The following TXNRD2 variants were observed in gnomAD, a reference collection of about 807,000 sequenced individuals.
The protein encoded by TXNRD2 is thioredoxin reductase 2, mitochondrial.
TXNRD2 carries 67 observed loss-of-function variants against 70.8 expected under a neutral mutation model. The ratio of observed to expected loss-of-function variants is 0.95; its 90% CI spans 0.78 to 1.16. The LOEUF (loss-of-function observed/expected upper bound fraction) is 1.16, where lower values mean the gene tolerates loss of function less well. Ranked by LOEUF, TXNRD2 falls within the 50% of genes most tolerant of loss-of-function variation. The probability of loss-of-function intolerance (pLI) is 0.00; values close to 1 mark genes in which losing one functional copy is unlikely to be tolerated. For synonymous variants in TXNRD2, 301 were observed against 295.8 expected, an observed-to-expected ratio of 1.02 and a Z score of -0.18; for missense variants, 644 against 719.9, an observed-to-expected ratio of 0.89 and a Z score of 1.21.
At chr22:19,926,179 GAAAGAA>G (rs1311268364) in intron 2 of TXNRD2, among the ~76,000 whole-genome samples, 8 of 145,368 alleles carry the variant, frequency 5.5e-5, no homozygotes, top group Admixed American at 1.4e-4. Flanking sequence ...AAAAAAAAAA[GAAAGAA>G]AAAGAAAAAG....
intron 1 of TXNRD2, among the ~76,000 whole-genome samples, chr22:19,932,086 G>A (rs4497958): frequency 0.24 from 35,421 of 149,250 alleles, 4,914 homozygotes; most frequent in African/African-American, 0.38. Context: ...GCGTGAACCC[G>A]GGAGGCGGAG....
At chr22:19,892,373 GC>G (rs1448454897) in intron 11 of TXNRD2, among the ~76,000 whole-genome samples, 1 of 152,284 alleles carries the variant, frequency 6.6e-6, no homozygotes, top group East Asian at 1.9e-4. Context: ...GCGCGCAGAA[GC>G]CGCGCCGCCC....
Position 19,939,764 on chromosome 22 carries a change from G to T in TXNRD2, c.103+1937C>A, listed in dbSNP as rs114214004. 9.8e-3 allele frequency among the ~76,000 whole-genome samples: 1,496 copies of T among 152,238 alleles called. 25 individuals are homozygous for T. Among genetic ancestry groups the T allele is most frequent in the African/African-American group, 0.034 (1,394 of 41,514 alleles). ...TTGTCTTCCAGAGAGATTAGCTATAGGGAAATGGGGACATTTGGTCTCTGG... is the reference window on the plus strand; with the variant it reads ...TTGTCTTCCAGAGAGATTAGCTATATGGAAATGGGGACATTTGGTCTCTGG... On this transcript the variant is annotated intron_variant, in intron 1 of 17. Coordinates refer to ENST00000400521, the MANE Select transcript of TXNRD2 (RefSeq NM_006440.5).
intron 2 of TXNRD2, among the ~76,000 whole-genome samples, chr22:19,930,785 G>A (rs781530315): frequency 1.3e-5 from 2 of 152,224 alleles, no homozygotes; most frequent in Non-Finnish European, 2.9e-5. Context: ...GTCACTGTGA[G>A]TAAAGCAGAA....
chr22:19,905,870 A>C (rs1939987656), intron 8 of TXNRD2, among the ~76,000 whole-genome samples: 1 of 151,870 alleles, frequency 6.6e-6, no homozygotes, highest in Admixed American at 6.6e-5. Context: ...AAGGAAGTAA[A>C]AGAAAATCCG....
chr22:19,900,546 C>G (rs1939727274), intron 8 of TXNRD2, among the ~76,000 whole-genome samples: 1 of 152,076 alleles, frequency 6.6e-6, no homozygotes, highest in Non-Finnish European at 1.5e-5. Context: ...GTCAGGAGAT[C>G]GAGACCATCC....
intron 11 of TXNRD2, chr22:19,895,132 C>T (rs1053660157): frequency 1.9e-6 from 3 of 1,598,498 alleles, no homozygotes; most frequent in Non-Finnish European, 2.5e-6. Flanking sequence ...CTGATGCCGT[C>T]TCAGTCTCTT....
At chr22:19,920,927 C>A (rs1041815341) in intron 2 of TXNRD2, among the ~76,000 whole-genome samples, 2 of 151,904 alleles carry the variant, frequency 1.3e-5, no homozygotes, top group Non-Finnish European at 1.5e-5. Context: ...ACGGTGAAAC[C>A]CTGTCTCTAC....
chr22:19,939,305 T>C (rs1421284271), intron 1 of TXNRD2, among the ~76,000 whole-genome samples: 1 of 152,202 alleles, frequency 6.6e-6, no homozygotes, highest in Non-Finnish European at 1.5e-5. Flanking sequence ...ATCCCACTTC[T>C]CCTAATTATC....
chr22:19,876,265 G>A (rs1938501902), intron 17 of TXNRD2: 2 of 152,318 alleles, frequency 1.3e-5, no homozygotes, highest in Non-Finnish European at 2.9e-5. Flanking sequence ...GGGGAGAGAT[G>A]GAGCCCAAAC....
At chr22:19,919,128 T>C (rs1405265453) in intron 3 of TXNRD2, 124 bp from the exon 4 acceptor site, 4 of 890,744 alleles carry the variant, frequency 4.5e-6, no homozygotes, top group South Asian at 2.9e-5. Flanking sequence ...CCAGCTGACA[T>C]GCCACACGAA....
intron 2 of TXNRD2, among the ~76,000 whole-genome samples, chr22:19,923,965 T>C (rs1055360467): frequency 2.0e-5 from 3 of 151,166 alleles, no homozygotes; most frequent in Non-Finnish European, 4.4e-5. Context: ...TCAGGTAGAC[T>C]TGATTTTTTT....
At position 19,915,220 on chromosome 22, in the gene TXNRD2, G is replaced by A. The variant is rs201760306; in HGVS notation, c.585C>T (p.Pro195=). Residue 195 remains proline, a synonymous_variant, in exon 7 of 18, where the codon CCC becomes CCT. Coordinates refer to ENST00000400521, the MANE Select transcript of TXNRD2 (RefSeq NM_006440.5). ...ATGCTCTGGGGACACTCACGTGCGT[G>A]GGGTATCTCGGCCGCCCTCCAGTAG... ...IIATGGRPRY[P]THIEGALEYG... The A allele has an allele frequency of 2.5e-6, 4 of 1,613,806 alleles. No homozygotes were observed. Among genetic ancestry groups the A allele is most frequent in the Non-Finnish European group, 3.4e-6 (4 of 1,179,900 alleles).
At chr22:19,903,837 C>A (rs1939887139) in intron 8 of TXNRD2, among the ~76,000 whole-genome samples, 1 of 152,258 alleles carries the variant, frequency 6.6e-6, no homozygotes, top group African/African-American at 2.4e-5. Flanking sequence ...TGCATGCCCC[C>A]TCTGAGCCTA....
chr22:19,884,873 C>T (rs1938953034), intron 11 of TXNRD2, among the ~76,000 whole-genome samples: 1 of 152,184 alleles, frequency 6.6e-6, no homozygotes, highest in South Asian at 2.1e-4. Context: ...GCTGCAGCCC[C>T]TCGTGGCTGC....
In TXNRD2 at chr22:19,941,684, C is replaced by A; in HGVS notation, c.103+17G>T. 6.8e-7 allele frequency: 1 copy of A among 1,475,516 alleles called. No individual in the cohort carries two copies. The highest frequency in any genetic ancestry group is 8.9e-7 in the Non-Finnish European group (1 of 1,120,726). 91.4% of individuals were successfully genotyped at this position (1,475,516 alleles called of 1,614,324 possible). A position where few individuals can be genotyped will look rare whatever the true frequency, so the allele number is the denominator to read the frequency against. The stretch of plus-strand genomic sequence containing the variant: ...CGCGCGGACACCTACCGCGGGGACG[C>A]CCCGACCCCATCCTACCTGCTGCGC... On this transcript the variant is annotated intron_variant, in intron 1 of 17. Transcript: ENST00000400521.
intron 6 of TXNRD2, 26 bp from the exon 7 acceptor site, chr22:19,915,302 G>A (rs746648257): frequency 6.2e-7 from 1 of 1,608,036 alleles, no homozygotes; most frequent in African/African-American, 1.3e-5. Context: ...GAAAGCCGTG[G>A]GTCAGACAGG....
chr22:19,934,282 G>A (rs934098965), intron 1 of TXNRD2, among the ~76,000 whole-genome samples: 1 of 151,826 alleles, frequency 6.6e-6, no homozygotes, highest in Non-Finnish European at 1.5e-5. Flanking sequence ...TAGGGAGGCT[G>A]AGGCTGGAGG....
rs192091634 is a variant in TXNRD2 at position 19,926,909 on chromosome 22, A to G, written c.172+4121T>C. On this transcript the variant is annotated intron_variant, in intron 2 of 17. Coordinates refer to ENST00000400521, the MANE Select transcript of TXNRD2 (RefSeq NM_006440.5). ...GGGAAGAGACTGACTGCCAATGGGT[A>G]CAGGGTATTTTGGGGAGAAACTAAA... 2.0e-5 allele frequency among the ~76,000 whole-genome samples: 3 copies of G among 152,354 alleles called. No homozygotes were observed. In the East Asian group the frequency reaches 5.8e-4, roughly 29 times the overall value.
Sources: allele counts gnomAD v4.1 joint callset (sites outside exome capture counted in the v4.1 genomes callset), GRCh38; gene constraint gnomAD v4.1.1; transcripts MANE v1.5; gene names NCBI Gene and HGNC (gene_info 2026-07-23, HGNC 2026-07-21).